Variants in PLCL1 observed in about 807,000 individuals in gnomAD.
The protein encoded by PLCL1 is inactive phospholipase C-like protein 1.
Under a neutral mutation model 84.4 loss-of-function variants are expected in PLCL1, and 41 were observed. The ratio of observed to expected loss-of-function variants is 0.49; its 90% confidence interval spans 0.38 to 0.63. The LOEUF (loss-of-function observed/expected upper bound fraction) is 0.63, where lower values mean the gene tolerates loss of function less well. Ranked by LOEUF, PLCL1 falls within the 30% of genes least tolerant of loss-of-function variation. PLCL1 has a pLI of 0.00. For missense variants in PLCL1, 1,206 were observed against 1,367.8 expected (o/e 0.88, Z 1.87); for synonymous variants, 490 against 488.3 (o/e 1.00, Z -0.05).
rs577026451 is a variant in PLCL1 at position 198,085,500 on chromosome 2, T to A, written c.1983T>A (p.Asn661Lys). 1 of 1,614,020 alleles carries A rather than the reference T, an allele frequency of 6.2e-7. No individual in the cohort carries two copies. Among genetic ancestry groups the A allele is most frequent in the East Asian group, 2.2e-5 (1 of 44,888 alleles). Residue 661 changes from asparagine to lysine, a missense_variant, in exon 2 of 6, where the codon AAT becomes AAA. By Grantham distance (94) the Asn-to-Lys change is moderately conservative. Coordinates refer to ENST00000428675, the MANE Select transcript of PLCL1 (RefSeq NM_006226.4). The surrounding 1 kb of genome is among the most constrained non-coding windows in gnomAD (Gnocchi z 5.3). ...ACTTGAATCCACAGGACTTTTGGAA[T>A]TGTGGCTGTCAGATTGTAGCAATGA... is the stretch of plus-strand genomic sequence containing the variant. The part of the protein sequence containing the change: ...SSNLNPQDFW[N>K]CGCQIVAMNF...
At chr2:198,059,510 G>C (rs1253635799) in intron 1 of PLCL1, among the ~76,000 whole-genome samples, 1 of 152,112 alleles carries the variant, frequency 6.6e-6, no homozygotes, top group Admixed American at 6.5e-5. Context: ...ACTTAGGCAA[G>C]GCATTTCATT....
At chr2:197,901,393 A>G (rs1047204856) in intron 1 of PLCL1, among the ~76,000 whole-genome samples, 8 of 152,358 alleles carry the variant, frequency 5.3e-5, no homozygotes, top group Admixed American at 4.6e-4. Flanking sequence ...GGTGAGATGC[A>G]CAGGACAAAG....
intron 5 of PLCL1, among the ~76,000 whole-genome samples, chr2:198,139,618 A>G (rs1166109780): frequency 6.6e-6 from 1 of 152,184 alleles, no homozygotes; most frequent in Non-Finnish European, 1.5e-5. Context: ...TAATACATGA[A>G]TAGGTTATAT....
intron 3 of PLCL1, among the ~76,000 whole-genome samples, chr2:198,090,797 C>CT (rs1693008551): frequency 6.6e-6 from 1 of 152,142 alleles, no homozygotes; most frequent in South Asian, 2.1e-4. Flanking sequence ...CTCTTTTAAG[C>CT]TAAGAAAAAG....
chr2:197,955,209 A>G (rs560690314), intron 1 of PLCL1, among the ~76,000 whole-genome samples: 9 of 151,882 alleles, frequency 5.9e-5, no homozygotes, highest in Non-Finnish European at 7.4e-5. Flanking sequence ...CTTTGCAGAC[A>G]CTCATCAGAT....
chr2:198,081,479 T>C (rs2105894110), intron 1 of PLCL1, among the ~76,000 whole-genome samples: 1 of 152,336 alleles, frequency 6.6e-6, no homozygotes, highest in Non-Finnish European at 1.5e-5. Flanking sequence ...CAAATTTAAA[T>C]GTGTTCTAAT....
At chr2:197,921,766 A>C (rs12619300) in intron 1 of PLCL1, among the ~76,000 whole-genome samples, 41,434 of 152,084 alleles carry the variant, frequency 0.27, 6,735 homozygotes, top group East Asian at 0.5. Flanking sequence ...CTTTTCTGAA[A>C]TATCAGAAAA....
intron 1 of PLCL1, among the ~76,000 whole-genome samples, chr2:197,874,185 T>G (rs1687696310): frequency 6.6e-6 from 1 of 152,136 alleles, no homozygotes; most frequent in Non-Finnish European, 1.5e-5. Flanking sequence ...AAATATGCAG[T>G]CACAAGTCCT....
intron 1 of PLCL1, among the ~76,000 whole-genome samples, chr2:197,953,714 A>G (rs1382605005): frequency 1.3e-5 from 2 of 152,038 alleles, no homozygotes; most frequent in African/African-American, 2.4e-5. Context: ...CAATTTTAGA[A>G]GCATCTGGAT....
At chr2:197,813,063 AG>A (rs1203560476) in intron 1 of PLCL1, among the ~76,000 whole-genome samples, 2 of 152,170 alleles carry the variant, frequency 1.3e-5, no homozygotes, top group African/African-American at 2.4e-5. Context: ...CTAGACAATA[AG>A]GAGTCAGAGA....
intron 5 of PLCL1, among the ~76,000 whole-genome samples, chr2:198,104,670 A>G (rs970181369): frequency 1.3e-5 from 2 of 152,066 alleles, no homozygotes; most frequent in Admixed American, 6.6e-5. Context: ...TTGTATAAAC[A>G]TTCGCTTTTC....
At chr2:197,923,181 G>A (rs1688749063) in intron 1 of PLCL1, among the ~76,000 whole-genome samples, 1 of 145,720 alleles carries the variant, frequency 6.9e-6, no homozygotes, top group African/African-American at 2.6e-5. Context: ...TCACCTCCCG[G>A]ACGGGGCGGC....
At chr2:198,069,875 A>C (rs1057151867) in intron 1 of PLCL1, among the ~76,000 whole-genome samples, 46 of 152,284 alleles carry the variant, frequency 3.0e-4, no homozygotes, top group African/African-American at 1.1e-3. Flanking sequence ...TATTTTGTGG[A>C]GTGAGATTAG....
chr2:197,923,217 A>C (rs1192796609), intron 1 of PLCL1, among the ~76,000 whole-genome samples: 3 of 122,018 alleles, frequency 2.5e-5, no homozygotes, highest in African/African-American at 6.5e-5. Context: ...CTGACCCCCC[A>C]CCTCCCTCCC....
intron 1 of PLCL1, among the ~76,000 whole-genome samples, chr2:197,903,692 A>T (rs1451135501): frequency 8.3e-6 from 1 of 121,028 alleles, no homozygotes; most frequent in African/African-American, 3.3e-5. Flanking sequence ...TTTAGTAGAG[A>T]CAGGGTTTCA....
intron 1 of PLCL1, among the ~76,000 whole-genome samples, chr2:198,047,304 C>T (rs1226438050): frequency 1.3e-5 from 2 of 152,146 alleles, no homozygotes; most frequent in Non-Finnish European, 2.9e-5. Context: ...CCGCCTCAGC[C>T]TCCCAAGTAG....
chr2:198,116,087 A>T (rs1693742574), intron 5 of PLCL1, among the ~76,000 whole-genome samples: 1 of 150,586 alleles, frequency 6.6e-6, no homozygotes, highest in African/African-American at 2.4e-5. Context: ...ATGTAAATGT[A>T]AAAATCTAAA....
rs185522090 is a variant in PLCL1, at chr2:198,035,422, C to T, written c.241-48336C>T. 6.8e-4 allele frequency among the ~76,000 whole-genome samples: 104 copies of T among 152,280 alleles called. 3 individuals carry two copies. In the South Asian group the frequency reaches 0.013, roughly 20 times the overall value. ...CAACAAAAATCAACCAAGTCTTCTT[C>T]CTTGCTGGGGCAGGAAAAGAACAAG... On this transcript the variant is annotated intron_variant, in intron 1 of 5. Coordinates refer to ENST00000428675, the MANE Select transcript of PLCL1 (RefSeq NM_006226.4).
intron 1 of PLCL1, among the ~76,000 whole-genome samples, chr2:197,976,848 G>A (rs1314390209): frequency 6.6e-6 from 1 of 152,118 alleles, no homozygotes; most frequent in Non-Finnish European, 1.5e-5. Flanking sequence ...TGATCTTCTC[G>A]GATGATACCC....
Sources: gnomAD v4.1 joint callset for allele counts (sites outside exome capture counted in the v4.1 genomes callset) on GRCh38, gnomAD v4.1.1 for gene constraint, Gnocchi (gnomAD v3.1) non-coding constraint, MANE v1.5 for transcripts, NCBI Gene and HGNC (gene_info 2026-07-23, HGNC 2026-07-21) for gene names.